Variants in BSPH1 observed in about 807,000 individuals in gnomAD.
The protein encoded by BSPH1 is binder of sperm protein homolog 1.
In BSPH1, 21 loss-of-function variants were observed where a neutral mutation model predicts 22.5. The observed-to-expected ratio is 0.93, with a 90% CI of 0.66 to 1.35. The LOEUF (loss-of-function observed/expected upper bound fraction) is 1.35. BSPH1 is among the 40% of genes most tolerant of loss of function. BSPH1 has a pLI of 0.00. For missense variants in BSPH1, 141 were observed against 154.2 expected, an observed-to-expected ratio of 0.91 and a Z score of 0.45; for synonymous variants, 42 against 53.6, an observed-to-expected ratio of 0.78 and a Z score of 0.95.
chr19:47,975,718 CG>C lies in BSPH1; in HGVS notation c.*2+991del, dbSNP rs377678487. Among the ~76,000 whole-genome samples, 715 of 143,064 alleles carry C rather than the reference CG, an allele frequency of 5.0e-3. 4 individuals carry two copies. Among genetic ancestry groups the C allele is most frequent in the African/African-American group, 0.018 (681 of 38,742 alleles). The allele number at this position is 143,064 out of a possible 152,430, so 93.9% of individuals were successfully genotyped here. ...ACACCCAGGCTGGAGTGCAGTGGTG[CG>C]ATCTCGGCTCACTGCAAGCTCCGCC... On this transcript the variant is annotated intron_variant, in intron 5 of 5. Coordinates refer to ENST00000344839, the MANE Select transcript of BSPH1 (RefSeq NM_001128326.2).
chr19:47,972,145 T>A (rs992390699), intron 5 of BSPH1, among the ~76,000 whole-genome samples: 16 of 152,332 alleles, frequency 1.1e-4, no homozygotes, highest in Admixed American at 6.5e-4. Flanking sequence ...GTCTTCAACA[T>A]GTGTAAACGG....
chr19:47,970,014 T>A lies in BSPH1; in HGVS notation c.*3-1805A>T, dbSNP rs550139036. On this transcript the variant is annotated intron_variant, in intron 5 of 5. Coordinates refer to ENST00000344839, the MANE Select transcript of BSPH1 (RefSeq NM_001128326.2). ...ACTTTAGAATTTATGTTTGTGTGTG[T>A]GTGAGAGAGAGAGAGAGACTTTAGA... 5.3e-5 allele frequency among the ~76,000 whole-genome samples: 8 copies of A among 150,280 alleles called. No homozygotes were observed. In the East Asian group the frequency reaches 6.0e-4, roughly 11 times the overall value.
At chr19:47,989,140 A>C in intron 1 of BSPH1, among the ~76,000 whole-genome samples, 1 of 146,544 alleles carries the variant, frequency 6.8e-6, no homozygotes, top group East Asian at 2.0e-4. Flanking sequence ...TATTATTATT[A>C]TTATTATTAT....
chr19:47,981,035 T>C, intron 1 of BSPH1, 94 bp from the exon 2 acceptor site: 2 of 670,064 alleles, frequency 3.0e-6, no homozygotes, highest in Non-Finnish European at 4.8e-6. Flanking sequence ...AGAATAATAC[T>C]ATTTTGAAAG....
Position 47,969,199 on chromosome 19 carries a change from G to T in BSPH1, c.*3-990C>A, listed in dbSNP as rs112799715. Among the ~76,000 whole-genome samples the T allele has an allele frequency of 5.6e-3, 858 of 152,156 alleles. 8 individuals are homozygous for T. The highest frequency in any genetic ancestry group is 0.019 in the African/African-American group (794 of 41,486). ...CAGTCTTGGTAAAACTTGTAAATTA[G>T]TTGGACGTGGTAGACATGGGAAAGA... On this transcript the variant is annotated intron_variant, in intron 5 of 5. Transcript: ENST00000344839.
intron 5 of BSPH1, among the ~76,000 whole-genome samples, chr19:47,975,069 T>G (rs1313598688): frequency 6.6e-6 from 1 of 152,218 alleles, no homozygotes; most frequent in African/African-American, 2.4e-5. Flanking sequence ...TTATACCTCG[T>G]AACAATGGAA....
chr19:47,984,138 T>A (rs1015467809), intron 1 of BSPH1, among the ~76,000 whole-genome samples: 40 of 104,484 alleles, frequency 3.8e-4, no homozygotes, highest in African/African-American at 1.6e-3. Flanking sequence ...TAAGCCACCA[T>A]GCCTGGCTTG....
intron 1 of BSPH1, 21 bp from the exon 2 acceptor site, chr19:47,980,962 C>T (rs951721766): frequency 7.3e-7 from 1 of 1,361,304 alleles, no homozygotes; most frequent in Non-Finnish European, 9.9e-7. Context: ...CAATTTTGAA[C>T]AAATATTTAT....
intron 5 of BSPH1, among the ~76,000 whole-genome samples, chr19:47,975,345 G>A (rs1969351616): frequency 6.6e-6 from 1 of 151,400 alleles, no homozygotes; most frequent in South Asian, 2.1e-4. Flanking sequence ...TAATCAAATT[G>A]GATTGTATCC....
Position 47,992,102 on chromosome 19 carries a change from G to A in BSPH1, c.-21C>T. On this transcript the variant is annotated 5_prime_UTR_variant, in exon 1 of 6. Transcript: ENST00000344839. ...CCCATGGGCAGTCACAGGCTTCCCG[G>A]TATCTCAGATCTTCCTGGTCTTTGT... 8 of 1,545,922 alleles carry A rather than the reference G, an allele frequency of 5.2e-6. No individual in the cohort carries two copies. Among genetic ancestry groups the A allele is most frequent in the Non-Finnish European group, 6.1e-6 (7 of 1,141,980 alleles).
chr19:47,979,364 A>G (rs939228110), intron 3 of BSPH1, among the ~76,000 whole-genome samples: 3 of 152,216 alleles, frequency 2.0e-5, no homozygotes, highest in African/African-American at 7.2e-5. Context: ...GGCAGAAATT[A>G]AAGAGTAGAC....
At chr19:47,977,838 T>A (rs1186977841) in intron 3 of BSPH1, 1 of 211,756 alleles carries the variant, frequency 4.7e-6, no homozygotes, top group East Asian at 1.8e-4. Context: ...TGCCCCTGGA[T>A]CTCTTATTTT....
At chr19:47,971,115 A>C (rs960980892) in intron 5 of BSPH1, among the ~76,000 whole-genome samples, 2 of 152,096 alleles carry the variant, frequency 1.3e-5, no homozygotes, top group Non-Finnish European at 2.9e-5. Context: ...TCTCTAAAGC[A>C]TTATCACTGG....
intron 1 of BSPH1, among the ~76,000 whole-genome samples, chr19:47,983,987 C>A (rs992823047): frequency 6.6e-6 from 1 of 151,346 alleles, no homozygotes; most frequent in African/African-American, 2.4e-5. Context: ...CAGGTGTGCA[C>A]CACCACCTGT....
At position 47,992,092 on chromosome 19, in the gene BSPH1, A is replaced by G. The variant is rs2122274786; in HGVS notation, c.-11T>C. On this transcript the variant is annotated 5_prime_UTR_variant, in exon 1 of 6. Coordinates refer to ENST00000344839, the MANE Select transcript of BSPH1 (RefSeq NM_001128326.2). Reference sequence around the variant, plus strand: ...CATCAGGGAGCCCATGGGCAGTCACAGGCTTCCCGGTATCTCAGATCTTCC... The same window carrying G: ...CATCAGGGAGCCCATGGGCAGTCACGGGCTTCCCGGTATCTCAGATCTTCC... 6.5e-7 allele frequency: 1 copy of G among 1,549,410 alleles called. No homozygotes were observed. Among genetic ancestry groups the G allele is most frequent in the East Asian group, 2.4e-5 (1 of 40,856 alleles).
chr19:47,973,260 T>TAAG (rs1218986964), intron 5 of BSPH1, among the ~76,000 whole-genome samples: 10 of 145,796 alleles, frequency 6.9e-5, no homozygotes, highest in Non-Finnish European at 1.2e-4. Flanking sequence ...ATAATAATAA[T>TAAG]AATGTAGGCA....
chr19:47,970,350 C>A (rs1487159480), intron 5 of BSPH1, among the ~76,000 whole-genome samples: 2 of 152,168 alleles, frequency 1.3e-5, no homozygotes, highest in African/African-American at 4.8e-5. Flanking sequence ...TGAACGACTG[C>A]GCCTGGTCAA....
At chr19:47,982,973 A>G (rs1969433296) in intron 1 of BSPH1, among the ~76,000 whole-genome samples, 1 of 152,156 alleles carries the variant, frequency 6.6e-6, no homozygotes, top group African/African-American at 2.4e-5. Context: ...ATGGGGAGTT[A>G]TTATTTAATG....
At chr19:47,986,963 G>C (rs1271915441) in intron 1 of BSPH1, among the ~76,000 whole-genome samples, 2 of 152,078 alleles carry the variant, frequency 1.3e-5, no homozygotes, top group African/African-American at 2.4e-5. Context: ...TCTGTGACTT[G>C]TGGCAGCATC....
Sources: allele counts gnomAD v4.1 joint callset (sites outside exome capture counted in the v4.1 genomes callset), GRCh38; gene constraint gnomAD v4.1.1; transcripts MANE v1.5; gene names NCBI Gene and HGNC (gene_info 2026-07-23, HGNC 2026-07-21).